The following ALAS2 variants were observed in gnomAD, a reference collection of about 807,000 sequenced individuals.
ALAS2 encodes 5-aminolevulinate synthase, erythroid-specific, mitochondrial.
In ALAS2, 3 loss-of-function variants were observed where a neutral mutation model predicts 33.7. The ratio of observed to expected loss-of-function variants is 0.09; its 90% CI spans 0.04 to 0.23. The LOEUF is 0.23. Among genes scored for constraint, ALAS2 ranks in the 10% least tolerant of loss-of-function variants. The pLI is 1.00. For synonymous variants in ALAS2, 191 were observed against 177.3 expected (o/e 1.08, Z -0.61); for missense variants, 304 against 475.1 (o/e 0.64, Z 3.35).
At chrX:55,016,845 G>T (rs1434587218) in intron 7 of ALAS2, among the ~76,000 whole-genome samples, 1 of 111,224 alleles carries the variant, frequency 9.0e-6, no homozygotes, top group Non-Finnish European at 1.9e-5. Context: ...TTTACCTTTG[G>T]GAAAATTGAG....
chrX:55,016,561 C>T (rs1935707767), intron 7 of ALAS2, among the ~76,000 whole-genome samples: 2 of 111,558 alleles, frequency 1.8e-5, no homozygotes, highest in Non-Finnish European at 3.8e-5. Flanking sequence ...TTACATGCCA[C>T]TTAAGATACC....
Position 55,014,957 on chromosome X carries a change from C to T in ALAS2, c.1227G>A (p.Met409Ile). The T allele has an allele frequency of 8.3e-7, 1 of 1,210,338 alleles. No homozygotes were observed. The highest frequency in any genetic ancestry group is 1.1e-6 in the Non-Finnish European group (1 of 894,746). ...YIASTRDLVDMVRSYAAGFIF... is the reference protein window; with the variant it reads ...YIASTRDLVDIVRSYAAGFIF... Reference sequence around the variant, plus strand: ...TGAAGCCTGCAGCATAGGAGCGCACCATGTCCACCAAGTCACGGGTGCTGG... The same window carrying T: ...TGAAGCCTGCAGCATAGGAGCGCACTATGTCCACCAAGTCACGGGTGCTGG... Residue 409 changes from methionine (M) to isoleucine (I), a missense_variant, in exon 9 of 11, where the codon ATG becomes ATA. By Grantham distance (10) the Met-to-Ile change is conservative. Around this residue, in one of 3 missense-constraint regions of ALAS2, gnomAD observed 138 missense variants for 265.3 expected, o/e 0.52. Transcript: ENST00000650242.
Position 55,025,955 on chromosome X carries a change from G to A in ALAS2, c.46C>T (p.Arg16Trp), listed in dbSNP as rs780949974. 2.2e-5 allele frequency: 27 copies of A among 1,211,122 alleles called. No individual in the cohort carries two copies. The South Asian group carries it at 3.3e-4, about 15-fold the overall frequency. ...MLLQCCPVLA[R>W]GPTSLLGKVV... ...TTGCCTAGGAGGCTTGTGGGGCCCC[G>A]GGCAAGCACTGGGCAGCACTGTAGC... The change falls in exon 2 of 11, where the codon CGG (arginine) becomes TGG (tryptophan). Residue 16 changes from arginine (R) to tryptophan (W), a missense_variant. Arg to Trp is a moderately radical substitution (Grantham distance 101). Coordinates refer to ENST00000650242, the MANE Select transcript of ALAS2 (RefSeq NM_000032.5).
intron 4 of ALAS2, among the ~76,000 whole-genome samples, chrX:55,022,105 T>A (rs1008461406): frequency 1.8e-5 from 2 of 111,824 alleles, no homozygotes; most frequent in African/African-American, 6.5e-5. Context: ...CAAAATGGGG[T>A]AACTTTATTT....
chrX:55,009,482 C>T, intron 10 of ALAS2, 139 bp from the exon 11 acceptor site: 1 of 583,684 alleles, frequency 1.7e-6, no homozygotes, highest in Non-Finnish European at 2.7e-6. Context: ...CTACTGTTTG[C>T]TTCTGTGTGT....
intron 9 of ALAS2, among the ~76,000 whole-genome samples, 167 bp from the exon 10 acceptor site, chrX:55,013,815 G>A (rs1935649448): frequency 9.0e-6 from 1 of 110,974 alleles, no homozygotes; most frequent in African/African-American, 3.3e-5. Context: ...CTATCAAGGA[G>A]GAGCTCAGAG....
rs1935687757 is a variant in ALAS2, at chrX:55,015,739, G to T, written c.1007C>A (p.Ala336Asp). Residue 336 changes from alanine to aspartate, a missense_variant, in exon 8 of 11, where the codon GCC becomes GAC. Ala to Asp is a moderately radical substitution (Grantham distance 126). Coordinates refer to ENST00000650242, the MANE Select transcript of ALAS2 (RefSeq NM_000032.5). The stretch of plus-strand genomic sequence containing the variant: ...ACACAACTCCTCGAGGGGACAGATG[G>T]CACCTGAGCAAAGCCAAGGGATAGA... ...AFETVHSMDG[A>D]ICPLEELCDV... 2 of 1,210,969 alleles carry T rather than the reference G, an allele frequency of 1.7e-6. No individual in the cohort carries two copies. Among genetic ancestry groups the T allele is most frequent in the Non-Finnish European group, 2.2e-6 (2 of 895,165 alleles).
rs753396622 is a variant in ALAS2 at position 55,014,765 on chromosome X, G to A, written c.1419C>T (p.Ser473=). ...DRGLPVIPCP[S]HIIPIRVGNA... is the part of the protein sequence containing the mutation. ...CTCTCACCCGGATGGGGATGATGTG[G>A]CTGGGGCAGGGGATGACAGGAAGGC... Residue 473 remains serine (S), a synonymous_variant, in exon 9 of 11, where the codon AGC becomes AGT. Coordinates refer to ENST00000650242, the MANE Select transcript of ALAS2 (RefSeq NM_000032.5). 32 of 1,187,881 alleles carry A rather than the reference G, an allele frequency of 2.7e-5. No homozygotes were observed. The highest frequency in any genetic ancestry group is 3.5e-5 in the Non-Finnish European group (31 of 880,563).
chrX:55,029,862 C>A (rs183786845), intron 1 of ALAS2, among the ~76,000 whole-genome samples: 2 of 111,322 alleles, frequency 1.8e-5, no homozygotes, highest in Admixed American at 1.9e-4. Flanking sequence ...TGTCAGCACC[C>A]AATCTGTACT....
Position 55,015,024 on chromosome X carries a change from A to G in ALAS2, c.1169-9T>C, listed in dbSNP as rs1432314787. The G allele has an allele frequency of 1.7e-6, 2 of 1,206,849 alleles. No individual in the cohort carries two copies. The highest frequency in any genetic ancestry group is 2.2e-6 in the Non-Finnish European group (2 of 893,534). On this transcript the variant is annotated splice_polypyrimidine_tract_variant and intron_variant, in intron 8 of 10. Coordinates refer to ENST00000650242, the MANE Select transcript of ALAS2 (RefSeq NM_000032.5). ...ACAGCCAAAGGCCTTGCCTGGAGAC[A>G]GAAAGGAATAAGATATACACAGATC...
chrX:55,014,825 A>G lies in ALAS2; in HGVS notation c.1359T>C (p.Asn453=), dbSNP rs1446799782. 2 of 1,204,421 alleles carry G rather than the reference A, an allele frequency of 1.7e-6. No individual in the cohort carries two copies. Among genetic ancestry groups the G allele is most frequent in the South Asian group, 3.6e-5 (2 of 55,554 alleles). ...GQALRRAHQR[N]VKHMRQLLMD... is the part of the protein sequence containing the mutation. ...TGAGTAGCTGGCGCATGTGCTTGAC[A>G]TTGCGCTGGTGGGCTCGCCTCAGGG... Residue 453 remains asparagine, a synonymous_variant, in exon 9 of 11, where the codon AAT becomes AAC. Transcript: ENST00000650242.
At chrX:55,009,414 A>G (rs1217519697) in intron 10 of ALAS2, 71 bp from the exon 11 acceptor site, 2 of 1,043,133 alleles carry the variant, frequency 1.9e-6, no homozygotes, top group Admixed American at 2.7e-5. Context: ...CACAGTACAG[A>G]TGAGCCAAGA....
chrX:55,017,431 A>G, intron 7 of ALAS2, 55 bp downstream of exon 7: 8 of 1,033,039 alleles, frequency 7.7e-6, no homozygotes, highest in Non-Finnish European at 1.1e-5. Flanking sequence ...CATCATGATC[A>G]TCATGGTTTT....
In ALAS2 at chrX:55,019,151, G is replaced by A. The variant is rs560099673; in HGVS notation, c.823+1169C>T. Among the ~76,000 whole-genome samples, 276 of 110,997 alleles carry A rather than the reference G, an allele frequency of 2.5e-3. 1 individual carries two copies. The highest frequency in any genetic ancestry group is 8.8e-3 in the African/African-American group (267 of 30,474). On this transcript the variant is annotated intron_variant, in intron 6 of 10. Transcript: ENST00000650242. The stretch of plus-strand genomic sequence containing the variant: ...TAGCTAGAGAGTGATCAGGGGTTGA[G>A]GCAATGTTTTTTTATAAGATACAAG...
chrX:55,023,958 A>G, intron 3 of ALAS2, 91 bp from the exon 4 acceptor site: 1 of 754,327 alleles, frequency 1.3e-6, no homozygotes, highest in Non-Finnish European at 2.0e-6. Flanking sequence ...GCAACACATG[A>G]AAATTCAAGT....
chrX:55,023,933 C>T (rs1427987037), intron 3 of ALAS2, 66 bp from the exon 4 acceptor site: 2 of 917,102 alleles, frequency 2.2e-6, no homozygotes, highest in African/African-American at 1.9e-5. Flanking sequence ...ATGTGTTGTC[C>T]TCTTTAAGCT....
intron 1 of ALAS2, among the ~76,000 whole-genome samples, chrX:55,026,806 G>C (rs957895256): frequency 1.8e-5 from 2 of 112,014 alleles, no homozygotes; most frequent in African/African-American, 3.2e-5. Flanking sequence ...TGACACACAG[G>C]CACTCAATAA....
At chrX:55,029,997 G>A (rs1935967741) in intron 1 of ALAS2, among the ~76,000 whole-genome samples, 1 of 85,416 alleles carries the variant, frequency 1.2e-5, no homozygotes, top group African/African-American at 4.7e-5. Flanking sequence ...AGTCAATTAG[G>A]TCTGGAAGGG....
In ALAS2 at chrX:55,017,466, ACACT is replaced by A; in HGVS notation, c.1003+16_1003+19del. On this transcript the variant is annotated intron_variant, in intron 7 of 10. Coordinates refer to ENST00000650242, the MANE Select transcript of ALAS2 (RefSeq NM_000032.5). ...TTGTGAGACCAACACTAGTAAACAT[ACACT>A]CACTCATATACATACCATCCATGGA... 8.4e-7 allele frequency: 1 copy of A among 1,193,021 alleles called. No homozygotes were observed. The highest frequency in any genetic ancestry group is 1.1e-6 in the Non-Finnish European group (1 of 878,451).
Sources: allele counts gnomAD v4.1 joint callset (sites outside exome capture counted in the v4.1 genomes callset), GRCh38; gene constraint gnomAD v4.1.1; regional missense constraint gnomAD v4.1.1; transcripts MANE v1.5; gene names NCBI Gene and HGNC (gene_info 2026-07-23, HGNC 2026-07-21).